The following ZNF57 variants were observed in gnomAD, a reference collection of about 807,000 sequenced individuals.
The protein encoded by ZNF57 is zinc finger protein 424.
Under a neutral mutation model 13.4 loss-of-function variants are expected in ZNF57, and 11 were observed. That is an observed-to-expected ratio of 0.82 (90% CI 0.52 to 1.36). The LOEUF (loss-of-function observed/expected upper bound fraction) is 1.36, where lower values mean the gene tolerates loss of function less well. ZNF57 is among the 40% of genes most tolerant of loss of function. ZNF57 has a pLI of 0.00. For missense variants in ZNF57, 696 were observed against 667.5 expected (o/e 1.04, Z -0.47); for synonymous variants, 224 against 238.5 (o/e 0.94, Z 0.56).
intron 1 of ZNF57, chr19:2,915,237 G>A (rs970719843): frequency 4.6e-5 from 13 of 279,706 alleles, no homozygotes; most frequent in Non-Finnish European, 8.3e-5. Context: ...GTTATGCAAC[G>A]TTTCAAATGG....
rs374728042 is a variant in ZNF57, at chr19:2,917,299, C to T, written c.678C>T (p.Cys226=). The part of the protein sequence containing the change: ...KTHTAEKTYK[C]EQCRMAFNGF... ...ACACAGCAGAGAAAACCTACAAATG[C>T]GAGCAGTGTCGGATGGCGTTTAATG... Residue 226 remains cysteine, a synonymous_variant, in exon 4 of 4, where the codon TGC becomes TGT. Coordinates refer to ENST00000306908, the MANE Select transcript of ZNF57 (RefSeq NM_173480.3). 9.9e-6 allele frequency: 16 copies of T among 1,613,940 alleles called. No individual in the cohort carries two copies. Among genetic ancestry groups the T allele is most frequent in the South Asian group, 5.5e-5 (5 of 91,076 alleles).
At position 2,918,439 on chromosome 19, in the gene ZNF57, C is replaced by A; in HGVS notation, c.*150C>A. 1 of 815,772 alleles carries A rather than the reference C, an allele frequency of 1.2e-6. No individual in the cohort carries two copies. Among genetic ancestry groups the A allele is most frequent in the Non-Finnish European group, 1.8e-6 (1 of 543,352 alleles). 50.5% of individuals were successfully genotyped at this position (815,772 alleles called of 1,614,324 possible). A position where few individuals can be genotyped will look rare whatever the true frequency, so the allele number is the denominator to read the frequency against. On this transcript the variant is annotated 3_prime_UTR_variant, in exon 4 of 4. Transcript: ENST00000306908. ...AACAGACCCATTAGTCGTGAATTTC[C>A]AGCTCTTTCAAAAATAAATGTTTAT...
Position 2,917,513 on chromosome 19 carries a change from C to T in ZNF57, c.892C>T (p.His298Tyr), listed in dbSNP as rs769517952. ...AFTYPQAFQR[H>Y]EKTHTGEKPY... ...CACTTACCCCCAGGCTTTTCAAAGA[C>T]ATGAGAAGACGCACACGGGAGAGAA... Residue 298 changes from histidine to tyrosine, a missense_variant, in exon 4 of 4, where the codon CAT becomes TAT. By Grantham distance (83) the His-to-Tyr change is moderately conservative. This residue lies in a region of ZNF57 where 645 missense variants were observed against 591.5 expected (regional missense o/e 1.09). Coordinates refer to ENST00000306908, the MANE Select transcript of ZNF57 (RefSeq NM_173480.3). 2 of 1,613,744 alleles carry T rather than the reference C, an allele frequency of 1.2e-6. No individual in the cohort carries two copies. The highest frequency in any genetic ancestry group is 1.1e-5 in the South Asian group (1 of 91,016).
intron 2 of ZNF57, 40 bp downstream of exon 2, chr19:2,915,688 C>T: frequency 1.9e-6 from 3 of 1,612,930 alleles, no homozygotes; most frequent in Non-Finnish European, 1.7e-6. Flanking sequence ...TTTTAATGAA[C>T]TCATTTCTTT....
At chr19:2,916,776 A>T (rs2088202812) in intron 3 of ZNF57, 148 bp from the exon 4 acceptor site, 2 of 625,430 alleles carry the variant, frequency 3.2e-6, no homozygotes, top group Non-Finnish European at 2.6e-6. Flanking sequence ...ATACTGCATT[A>T]AAAAATATGT....
chr19:2,915,333 G>A (rs764912255), intron 1 of ZNF57, 189 bp from the exon 2 acceptor site: 3 of 679,486 alleles, frequency 4.4e-6, no homozygotes, highest in Non-Finnish European at 7.1e-6. Flanking sequence ...GCAGAGATAA[G>A]TTCAGACTGA....
chr19:2,916,753 CCATA>C (rs1397125682), intron 3 of ZNF57, 167 bp from the exon 4 acceptor site: 1 of 510,292 alleles, frequency 2.0e-6, no homozygotes, highest in Non-Finnish European at 3.3e-6. Flanking sequence ...CAGGAAAACC[CCATA>C]TATAATAAAT....
rs1196503641 is a variant in ZNF57, at chr19:2,910,784, C to T, written c.4-4738C>T. ...CTAATTTTTATATTTTTAGTAGAGA[C>T]GGGGTTTCCCTGTGTTGGCCAGGAT... On this transcript the variant is annotated intron_variant, in intron 1 of 3. Transcript: ENST00000306908. 1.8e-5 allele frequency among the ~76,000 whole-genome samples: 2 copies of T among 113,286 alleles called. 1 individual carries two copies. Among genetic ancestry groups the T allele is most frequent in the Non-Finnish European group, 3.9e-5 (2 of 51,900 alleles). 74.3% of individuals were successfully genotyped at this position (113,286 alleles called of 152,430 possible). A position where few individuals can be genotyped will look rare whatever the true frequency, so the allele number is the denominator to read the frequency against.
intron 1 of ZNF57, among the ~76,000 whole-genome samples, chr19:2,912,549 C>G (rs1324789571): frequency 6.6e-6 from 1 of 152,134 alleles, no homozygotes; most frequent in Non-Finnish European, 1.5e-5. Context: ...ATCCGCCTCT[C>G]TCTTCAGTTT....
At chr19:2,910,584 C>G (rs1386065753) in intron 1 of ZNF57, among the ~76,000 whole-genome samples, 1 of 107,124 alleles carries the variant, frequency 9.3e-6, no homozygotes, top group Non-Finnish European at 2.0e-5. Context: ...CCTCAGCCTC[C>G]CCAGCAGCTG....
intron 1 of ZNF57, among the ~76,000 whole-genome samples, chr19:2,913,249 A>C (rs964096659): frequency 2.0e-5 from 3 of 152,156 alleles, no homozygotes; most frequent in Non-Finnish European, 4.4e-5. Flanking sequence ...CTGGCTGCTA[A>C]ATCAGTTTTG....
At chr19:2,913,323 T>C (rs1405533669) in intron 1 of ZNF57, among the ~76,000 whole-genome samples, 2 of 152,224 alleles carry the variant, frequency 1.3e-5, no homozygotes, top group Non-Finnish European at 2.9e-5. Context: ...TACTGTTCTC[T>C]ATTTCATTAA....
chr19:2,905,412 C>CCCCCCCCA lies in ZNF57; in HGVS notation c.3+4370_3+4371insCACCCCCC, dbSNP rs1568179183. On this transcript the variant is annotated intron_variant, in intron 1 of 3. Transcript: ENST00000306908. Reference sequence around the variant, plus strand: ...ACTCTTGACTTCAGGTGATCGCCCCCCCCCCCTCGGCATTCCAAAGTATTT... The same window carrying CCCCCCCCA: ...ACTCTTGACTTCAGGTGATCGCCCCCCCCCCCCACCCCCCTCGGCATTCCAAAGTATTT... Among the ~76,000 whole-genome samples, 2 of 70,290 alleles carry CCCCCCCCA rather than the reference C, an allele frequency of 2.8e-5. 1 individual carries two copies. The highest frequency in any genetic ancestry group is 8.6e-5 in the Non-Finnish European group (2 of 23,312). The allele number at this position is 70,290 out of a possible 152,430, so 46.1% of individuals were successfully genotyped here.
In ZNF57 at chr19:2,918,461, T is replaced by A; in HGVS notation, c.*172T>A. 1.4e-6 allele frequency: 1 copy of A among 693,474 alleles called. No individual in the cohort carries two copies. The highest frequency in any genetic ancestry group is 2.3e-6 in the Non-Finnish European group (1 of 436,340). 43.0% of individuals were successfully genotyped at this position (693,474 alleles called of 1,614,324 possible). On this transcript the variant is annotated 3_prime_UTR_variant, in exon 4 of 4. Coordinates refer to ENST00000306908, the MANE Select transcript of ZNF57 (RefSeq NM_173480.3). Reference sequence around the variant, plus strand: ...TTCCAGCTCTTTCAAAAATAAATGTTTATGTGAGAAAATAATTCTCTAAGT... The same window carrying A: ...TTCCAGCTCTTTCAAAAATAAATGTATATGTGAGAAAATAATTCTCTAAGT...
At position 2,917,329 on chromosome 19, in the gene ZNF57, C is replaced by T. The variant is rs140557244; in HGVS notation, c.708C>T (p.Phe236=). The T allele has an allele frequency of 4.7e-4, 753 of 1,614,152 alleles. 3 individuals are homozygous for T. In the African/African-American group the frequency reaches 8.2e-3, roughly 18 times the overall value. The change falls in exon 4 of 4, where the codon TTC becomes TTT. Residue 236 remains phenylalanine, a synonymous_variant. Coordinates refer to ENST00000306908, the MANE Select transcript of ZNF57 (RefSeq NM_173480.3). ...AGTGTCGGATGGCGTTTAATGGGTT[C>T]GCAAGCTTCACTAGACATGTGAGAA... The part of the protein sequence containing the change: ...CEQCRMAFNG[F]ASFTRHVRTH...
chr19:2,910,562 G>A lies in ZNF57; in HGVS notation c.4-4960G>A, dbSNP rs773576556. ...TGCAAGCGCCGCCTCCTGGGTTCACGCCATTCTCCTGCCTCAGCCTCCCCA... is the reference window on the plus strand; with the variant it reads ...TGCAAGCGCCGCCTCCTGGGTTCACACCATTCTCCTGCCTCAGCCTCCCCA... On this transcript the variant is annotated intron_variant, in intron 1 of 3. Coordinates refer to ENST00000306908, the MANE Select transcript of ZNF57 (RefSeq NM_173480.3). Among the ~76,000 whole-genome samples the A allele has an allele frequency of 7.1e-5, 7 of 98,838 alleles. 2 individuals carry two copies. Among genetic ancestry groups the A allele is most frequent in the Non-Finnish European group, 1.1e-4 (5 of 46,512 alleles). The allele number at this position is 98,838 out of a possible 152,430, so 64.8% of individuals were successfully genotyped here.
At chr19:2,912,651 G>T (rs8107303) in intron 1 of ZNF57, among the ~76,000 whole-genome samples, 1 of 152,212 alleles carries the variant, frequency 6.6e-6, no homozygotes, top group African/African-American at 2.4e-5. Flanking sequence ...TTTGTTACAA[G>T]GGAATAATAA....
intron 1 of ZNF57, among the ~76,000 whole-genome samples, chr19:2,913,118 T>C (rs976373559): frequency 6.6e-6 from 1 of 152,152 alleles, no homozygotes; most frequent in African/African-American, 2.4e-5. Flanking sequence ...CACGCCCAGC[T>C]AATTTTTGTG....
At chr19:2,903,056 C>G (rs1168670143) in intron 1 of ZNF57, among the ~76,000 whole-genome samples, 1 of 152,150 alleles carries the variant, frequency 6.6e-6, no homozygotes, top group Non-Finnish European at 1.5e-5. Context: ...CCTCCTGCCT[C>G]GTAGAACAGC....
Sources: allele counts gnomAD v4.1 joint callset (sites outside exome capture counted in the v4.1 genomes callset), GRCh38; gene constraint gnomAD v4.1.1; regional missense constraint gnomAD v4.1.1; transcripts MANE v1.5; gene names NCBI Gene and HGNC (gene_info 2026-07-23, HGNC 2026-07-21).